MYRFL: variants seen among roughly 807,000 people sequenced by gnomAD.
MYRFL encodes the protein myelin regulatory factor like.
MYRFL carries 88 observed loss-of-function variants against 109.4 expected under a neutral mutation model. The ratio of observed to expected loss-of-function variants is 0.80; its 90% CI spans 0.68 to 0.96. The LOEUF is 0.96. MYRFL is among the 40% of genes least tolerant of loss of function. The probability of loss-of-function intolerance (pLI) is 0.00; values close to 1 mark genes in which losing one functional copy is unlikely to be tolerated. For missense variants in MYRFL, 957 were observed against 954.9 expected (o/e 1.00, Z -0.03); for synonymous variants, 324 against 320.9 (o/e 1.01, Z -0.10).
In MYRFL at chr12:69,876,475, GA is replaced by G. The variant is rs536697439; in HGVS notation, c.138-2544del. ...AGTTTAATCATCATATAAGAAGGGG[GA>G]AAAAAAAACGAAAAGAGCTCTTTGT... On this transcript the variant is annotated intron_variant, in intron 2 of 24. Coordinates refer to ENST00000552032, the MANE Select transcript of MYRFL (RefSeq NM_182530.3). Among the ~76,000 whole-genome samples the G allele has an allele frequency of 6.0e-3, 902 of 149,140 alleles. 8 individuals carry two copies. The highest frequency in any genetic ancestry group is 0.021 in the African/African-American group (841 of 40,622).
intron 13 of MYRFL, among the ~76,000 whole-genome samples, chr12:69,913,854 T>C (rs917018849): frequency 1.3e-5 from 2 of 152,236 alleles, no homozygotes; most frequent in African/African-American, 4.8e-5. Context: ...GGGATTTTGA[T>C]AGGGATTTCA....
At chr12:69,852,506 T>C in intron 1 of MYRFL, among the ~76,000 whole-genome samples, 1 of 150,922 alleles carries the variant, frequency 6.6e-6, no homozygotes, top group South Asian at 2.1e-4. Context: ...TTTATTTATT[T>C]TAAATAAATA....
intron 15 of MYRFL, among the ~76,000 whole-genome samples, chr12:69,930,076 T>G (rs1955222057): frequency 6.6e-6 from 1 of 152,208 alleles, no homozygotes; most frequent in African/African-American, 2.4e-5. Flanking sequence ...AGATCTGAGC[T>G]CTTCCTGTGA....
chr12:69,851,452 A>T (rs1883870709), intron 1 of MYRFL, among the ~76,000 whole-genome samples: 1 of 152,222 alleles, frequency 6.6e-6, no homozygotes, highest in African/African-American at 2.4e-5. Context: ...ACATCAAAAC[A>T]TGCTAAAACT....
intron 1 of MYRFL, among the ~76,000 whole-genome samples, chr12:69,846,106 C>CTTTTTTTTTTTTTT (rs60251292): frequency 3.2e-5 from 2 of 61,726 alleles, no homozygotes; most frequent in Non-Finnish European, 5.4e-5. Context: ...TATTGACTAT[C>CTTTTTTTTTTTTTT]TTTTTTTTTT....
At chr12:69,926,815 T>C (rs1054471631) in intron 14 of MYRFL, 81 bp downstream of exon 14, 4 of 1,210,090 alleles carry the variant, frequency 3.3e-6, no homozygotes, top group Non-Finnish European at 4.2e-6. Flanking sequence ...ATCTAAATGG[T>C]CTTTTTGATC....
chr12:69,888,122 T>C (rs939097896), intron 6 of MYRFL, among the ~76,000 whole-genome samples: 2 of 152,204 alleles, frequency 1.3e-5, no homozygotes, highest in Non-Finnish European at 2.9e-5. Flanking sequence ...CATTTTTAAG[T>C]TTGTTTGAAC....
In MYRFL at chr12:69,945,232, A is replaced by G. The variant is rs771209283; in HGVS notation, c.2225-6881A>G. Among the ~76,000 whole-genome samples, 110 of 152,364 alleles carry G rather than the reference A, an allele frequency of 7.2e-4. 1 individual carries two copies. Among genetic ancestry groups the G allele is most frequent in the Non-Finnish European group, 1.6e-4 (11 of 68,038 alleles). ...TATAGCCTAAATATATGGTGTTTAT[A>G]AAGTTTACAGTAGTGTCCCAGGCCT... On this transcript the variant is annotated intron_variant, in intron 19 of 24. Transcript: ENST00000552032.
intron 2 of MYRFL, among the ~76,000 whole-genome samples, chr12:69,870,922 A>T (rs930603552): frequency 6.6e-6 from 1 of 151,850 alleles, no homozygotes; most frequent in African/African-American, 2.4e-5. Flanking sequence ...GCCAAGCCAT[A>T]TTTTTTTTAG....
chr12:69,882,775 G>A (rs569295214), intron 5 of MYRFL, among the ~76,000 whole-genome samples: 1 of 152,274 alleles, frequency 6.6e-6, no homozygotes, highest in South Asian at 2.1e-4. Context: ...TCCCTGGAAG[G>A]CTTCAATCTT....
chr12:69,936,365 C>G, intron 18 of MYRFL, 30 bp downstream of exon 18: 1 of 1,534,752 alleles, frequency 6.5e-7, no homozygotes, highest in Non-Finnish European at 8.7e-7. Context: ...CACCCTCAAA[C>G]CCGGTTTCAA....
chr12:69,932,102 G>GAATTCATCT (rs1955290941), intron 15 of MYRFL, among the ~76,000 whole-genome samples: 1 of 152,088 alleles, frequency 6.6e-6, no homozygotes, highest in Non-Finnish European at 1.5e-5. Flanking sequence ...CATTCCATTG[G>GAATTCATCT]AATTCATCTC....
intron 13 of MYRFL, among the ~76,000 whole-genome samples, chr12:69,920,202 G>A (rs1592833201): frequency 6.6e-6 from 1 of 152,112 alleles, no homozygotes; most frequent in South Asian, 2.1e-4. Context: ...AAGCTGGTTT[G>A]TTAGATATCA....
intron 10 of MYRFL, among the ~76,000 whole-genome samples, chr12:69,901,366 C>T (rs1459022): frequency 0.19 from 29,307 of 152,044 alleles, 3,025 homozygotes; most frequent in South Asian, 0.29. Context: ...CTTATGAGAA[C>T]ATTTCCTGTT....
chr12:69,868,632 C>T (rs1210608480), intron 2 of MYRFL, among the ~76,000 whole-genome samples: 1 of 152,172 alleles, frequency 6.6e-6, no homozygotes, highest in East Asian at 1.9e-4. Flanking sequence ...GGAGGAGTGG[C>T]ATCTTCTTTG....
intron 11 of MYRFL, among the ~76,000 whole-genome samples, chr12:69,907,721 C>T (rs1194925079): frequency 2.0e-5 from 3 of 152,172 alleles, no homozygotes; most frequent in African/African-American, 7.2e-5. Context: ...ATGTCAGACA[C>T]TTTGCTCGGT....
chr12:69,916,802 T>TAAG (rs59498048), intron 13 of MYRFL, among the ~76,000 whole-genome samples: 28,184 of 151,304 alleles, frequency 0.19, 2,749 homozygotes, highest in Middle Eastern at 0.22. Flanking sequence ...ACTAAATAAG[T>TAAG]AAGGTCATTT....
In MYRFL at chr12:69,913,051, A is replaced by G. The variant is rs532814826; in HGVS notation, c.1602+2121A>G. Among the ~76,000 whole-genome samples the G allele has an allele frequency of 7.9e-5, 12 of 152,106 alleles. No homozygotes were observed. In the South Asian group the frequency reaches 2.5e-3, roughly 32 times the overall value. On this transcript the variant is annotated intron_variant, in intron 13 of 24. Coordinates refer to ENST00000552032, the MANE Select transcript of MYRFL (RefSeq NM_182530.3). ...TTCTAGTTTTGATTTACATTTCCTT[A>G]ATGATTAGTGATGTTGCACATCTTT...
intron 19 of MYRFL, among the ~76,000 whole-genome samples, chr12:69,943,805 A>G (rs1358967067): frequency 6.6e-6 from 1 of 151,668 alleles, no homozygotes; most frequent in African/African-American, 2.4e-5. Context: ...GCTAATATCC[A>G]GAATCTACAA....
Sources: gnomAD v4.1 joint callset for allele counts (sites outside exome capture counted in the v4.1 genomes callset) on GRCh38, gnomAD v4.1.1 for gene constraint, MANE v1.5 for transcripts, NCBI Gene and HGNC (gene_info 2026-07-23, HGNC 2026-07-21) for gene names.